Variants in FBXO47 observed in about 807,000 individuals in gnomAD.
The protein encoded by FBXO47 is F-box only protein 47.
In FBXO47, 34 loss-of-function variants were observed where a neutral mutation model predicts 53.9. The ratio of observed to expected loss-of-function variants is 0.63; its 90% CI spans 0.48 to 0.84. The LOEUF is 0.84. FBXO47 is among the 40% of genes least tolerant of loss of function. The pLI is 0.00. For missense variants in FBXO47, 485 were observed against 541.3 expected (o/e 0.90, Z 1.03); for synonymous variants, 165 against 181.6 (o/e 0.91, Z 0.73).
chr17:38,945,099 G>C lies in FBXO47; in HGVS notation c.654C>G (p.Phe218Leu), dbSNP rs981805491. The C allele has an allele frequency of 6.2e-7, 1 of 1,613,472 alleles. No homozygotes were observed. The highest frequency in any genetic ancestry group is 1.7e-5 in the Admixed American group (1 of 59,938). ...AATGATCAAGGAGGACATTCCTACA[G>C]AAGAGTCTGATTCTTAACTCCAGTT... ...AQKLELRIRLFCRNVLLDHWT... is the reference protein window; with the variant it reads ...AQKLELRIRLLCRNVLLDHWT... The change falls in exon 7 of 11, where the codon TTC (phenylalanine) becomes TTG (leucine). Residue 218 changes from phenylalanine (F) to leucine (L), a missense_variant. By Grantham distance (22) the Phe-to-Leu change is conservative. Coordinates refer to ENST00000378079, the MANE Select transcript of FBXO47 (RefSeq NM_001008777.3).
At chr17:38,947,492 C>T (rs1436096167) in intron 6 of FBXO47, among the ~76,000 whole-genome samples, 6 of 152,022 alleles carry the variant, frequency 3.9e-5, no homozygotes, top group South Asian at 2.1e-4. Flanking sequence ...TTTTTTGTAG[C>T]GACAGAGGTC....
intron 6 of FBXO47, among the ~76,000 whole-genome samples, chr17:38,947,061 A>AAT (rs1391669277): frequency 7.3e-6 from 1 of 136,602 alleles, no homozygotes; most frequent in Non-Finnish European, 1.5e-5. Flanking sequence ...AACATATATA[A>AAT]ATATATATAA....
chr17:38,959,813 CTAACTT>C (rs1661261789), intron 3 of FBXO47, among the ~76,000 whole-genome samples: 1 of 151,690 alleles, frequency 6.6e-6, no homozygotes, highest in South Asian at 2.1e-4. Context: ...TTTGTTTCCT[CTAACTT>C]TAAACATTCT....
chr17:38,961,062 G>A (rs901920871), intron 3 of FBXO47, among the ~76,000 whole-genome samples: 11 of 151,982 alleles, frequency 7.2e-5, no homozygotes, highest in Non-Finnish European at 1.2e-4. Context: ...CTTTCATTTG[G>A]TCTTATTAAA....
At chr17:38,948,130 T>C (rs771505387) in intron 6 of FBXO47, among the ~76,000 whole-genome samples, 1 of 151,774 alleles carries the variant, frequency 6.6e-6, no homozygotes, top group Non-Finnish European at 1.5e-5. Flanking sequence ...CATCCTGTTA[T>C]CTCTCTGTCC....
At chr17:38,938,465 T>C in intron 10 of FBXO47, 108 bp downstream of exon 10, 1 of 741,020 alleles carries the variant, frequency 1.3e-6, no homozygotes, top group Non-Finnish European at 2.0e-6. Flanking sequence ...GAAATAGCTT[T>C]TTTTTTTTTT....
rs547129496 is a variant in FBXO47 at position 38,955,321 on chromosome 17, G to A, written c.430-388C>T. Among the ~76,000 whole-genome samples the A allele has an allele frequency of 2.0e-5, 3 of 150,778 alleles. No homozygotes were observed. In the East Asian group the frequency reaches 5.9e-4, roughly 30 times the overall value. On this transcript the variant is annotated intron_variant, in intron 4 of 10. Coordinates refer to ENST00000378079, the MANE Select transcript of FBXO47 (RefSeq NM_001008777.3). ...GAGAATGGCATGAACCCAGGAGGCG[G>A]AGCTGGCAGTGAGTCGAGACCGTGC...
rs924088675 is a variant in FBXO47, at chr17:38,945,173, G to C, written c.617-37C>G. 2.0e-6 allele frequency: 3 copies of C among 1,497,380 alleles called. No homozygotes were observed. In the East Asian group the frequency reaches 6.8e-5, roughly 34 times the overall value. 92.8% of individuals were successfully genotyped at this position (1,497,380 alleles called of 1,614,324 possible). On this transcript the variant is annotated intron_variant, in intron 6 of 10. Coordinates refer to ENST00000378079, the MANE Select transcript of FBXO47 (RefSeq NM_001008777.3). ...AAAGAATTGTAAATCATTCTTCGTA[G>C]AAAGGCTGCTGTGCATATTGAATAG...
chr17:38,941,660 A>G (rs1000058289), intron 9 of FBXO47, among the ~76,000 whole-genome samples: 31 of 143,278 alleles, frequency 2.2e-4, no homozygotes, highest in African/African-American at 6.1e-4. Context: ...GTGTATATGT[A>G]TGTGTGTGTG....
intron 3 of FBXO47, among the ~76,000 whole-genome samples, chr17:38,959,469 A>G (rs1195788289): frequency 6.6e-6 from 1 of 151,252 alleles, no homozygotes; most frequent in East Asian, 2.0e-4. Flanking sequence ...AATCCCAGTT[A>G]CTGGAGATGC....
At chr17:38,953,537 A>T (rs1386281446) in intron 5 of FBXO47, among the ~76,000 whole-genome samples, 2 of 152,012 alleles carry the variant, frequency 1.3e-5, no homozygotes, top group Non-Finnish European at 2.9e-5. Flanking sequence ...AGGCAGGAGA[A>T]TTGCTTGAAC....
At position 38,944,191 on chromosome 17, in the gene FBXO47, A is replaced by ATGTGTGTGTG. The variant is rs71141737; in HGVS notation, c.794-465_794-456dup. Among the ~76,000 whole-genome samples, 535 of 133,678 alleles carry ATGTGTGTGTG rather than the reference A, an allele frequency of 4.0e-3. 6 individuals carry two copies. Among genetic ancestry groups the ATGTGTGTGTG allele is most frequent in the African/African-American group, 7.4e-3 (258 of 34,864 alleles). The allele number at this position is 133,678 out of a possible 152,430, so 87.7% of individuals were successfully genotyped here. A position where few individuals can be genotyped will look rare whatever the true frequency, so the allele number is the denominator to read the frequency against. ...AGCGAGACTCTGTCTCAAAAAAAACATGTGTGTGTGTGTGTGTGTGTGTGT... is the reference window on the plus strand; with the variant it reads ...AGCGAGACTCTGTCTCAAAAAAAACATGTGTGTGTGTGTGTGTGTGTGTGTGTGTGTGTGT... On this transcript the variant is annotated intron_variant, in intron 7 of 10. Coordinates refer to ENST00000378079, the MANE Select transcript of FBXO47 (RefSeq NM_001008777.3).
At chr17:38,944,155 C>T (rs1435076507) in intron 7 of FBXO47, among the ~76,000 whole-genome samples, 1 of 150,808 alleles carries the variant, frequency 6.6e-6, no homozygotes, top group East Asian at 2.0e-4. Flanking sequence ...GAACTCCAGC[C>T]TGGGCAACAC....
At chr17:38,952,299 G>A (rs1352245212) in intron 5 of FBXO47, among the ~76,000 whole-genome samples, 1 of 152,084 alleles carries the variant, frequency 6.6e-6, no homozygotes, top group Non-Finnish European at 1.5e-5. Context: ...TCCAACCTGG[G>A]CAACAGACAG....
chr17:38,957,444 T>A (rs1009797765), intron 3 of FBXO47, among the ~76,000 whole-genome samples, 191 bp from the exon 4 acceptor site: 1 of 152,214 alleles, frequency 6.6e-6, no homozygotes, highest in Non-Finnish European at 1.5e-5. Context: ...ACCAAGTGAC[T>A]CTGATGCTCA....
chr17:38,963,075 G>C, intron 1 of FBXO47, 24 bp from the exon 2 acceptor site: 1 of 1,394,546 alleles, frequency 7.2e-7, no homozygotes, highest in Non-Finnish European at 9.9e-7. Context: ...CAAAGTACAA[G>C]AGACAAGAAA....
intron 10 of FBXO47, 119 bp downstream of exon 10, chr17:38,938,454 A>G: frequency 6.7e-6 from 5 of 744,794 alleles, no homozygotes; most frequent in Non-Finnish European, 1.0e-5. Context: ...AAGTCAACAT[A>G]GAAATAGCTT....
chr17:38,965,954 G>A (rs967429722), intron 1 of FBXO47, among the ~76,000 whole-genome samples: 9 of 150,882 alleles, frequency 6.0e-5, no homozygotes, highest in Admixed American at 1.3e-4. Context: ...AAAAAATTAA[G>A]TTCACTTATA....
intron 4 of FBXO47, among the ~76,000 whole-genome samples, chr17:38,955,680 G>C (rs190879194): frequency 9.3e-4 from 141 of 151,518 alleles, no homozygotes; most frequent in African/African-American, 3.3e-3. Context: ...TGCCGGTTTA[G>C]TAGAGACGGG....
Sources: gnomAD v4.1 joint callset for allele counts (sites outside exome capture counted in the v4.1 genomes callset) on GRCh38, gnomAD v4.1.1 for gene constraint, MANE v1.5 for transcripts, NCBI Gene and HGNC (gene_info 2026-07-23, HGNC 2026-07-21) for gene names.